IGHMBP2: variants seen among roughly 807,000 people sequenced by gnomAD.
IGHMBP2 encodes the protein DNA-binding protein SMUBP-2.
IGHMBP2 carries 81 observed loss-of-function variants against 96.0 expected under a neutral mutation model. That is an observed-to-expected ratio of 0.84 (90% CI 0.71 to 1.01). The LOEUF is 1.01. IGHMBP2 is among the 50% of genes least tolerant of loss of function. The probability of loss-of-function intolerance (pLI) is 0.00; values close to 1 mark genes in which losing one functional copy is unlikely to be tolerated. For synonymous variants in IGHMBP2, 557 were observed against 548.9 expected, an observed-to-expected ratio of 1.01 and a Z score of -0.21; for missense variants, 1,227 against 1,306.3, an observed-to-expected ratio of 0.94 and a Z score of 0.94.
Position 68,936,574 on chromosome 11 carries a change from T to C in IGHMBP2, c.2094T>C (p.Ala698=), listed in dbSNP as rs141375426. Residue 698 remains alanine (A), a synonymous_variant, in exon 13 of 15, where the codon GCT becomes GCC. Coordinates refer to ENST00000255078, the MANE Select transcript of IGHMBP2 (RefSeq NM_002180.3). ...CCAGACAGGGCCGGAAGAAGCCGGCTGGGAAGTCTCTGGCCTCTGAAGCTC... is the reference window on the plus strand; with the variant it reads ...CCAGACAGGGCCGGAAGAAGCCGGCCGGGAAGTCTCTGGCCTCTGAAGCTC... The part of the protein sequence containing the change: ...APARQGRKKP[A]GKSLASEAPS... 6 of 1,611,886 alleles carry C rather than the reference T, an allele frequency of 3.7e-6. No individual in the cohort carries two copies. The highest frequency in any genetic ancestry group is 1.7e-5 in the Admixed American group (1 of 59,946).
intron 2 of IGHMBP2, 79 bp from the exon 3 acceptor site, chr11:68,908,066 A>G (rs1858273092): frequency 9.3e-7 from 1 of 1,071,134 alleles, no homozygotes. Context: ...AAATATTTGA[A>G]GTATAGTGGA....
chr11:68,930,063 G>T, intron 8 of IGHMBP2: 1 of 1,159,940 alleles, frequency 8.6e-7, no homozygotes, highest in South Asian at 1.8e-5. Context: ...GACCACTCCT[G>T]CCTGGGTGTG....
At chr11:68,935,064 C>T (rs760760752) in intron 11 of IGHMBP2, among the ~76,000 whole-genome samples, 11 of 152,228 alleles carry the variant, frequency 7.2e-5, no homozygotes, top group South Asian at 2.1e-4. Context: ...CTGAGGCTGG[C>T]GGCTGTCATA....
At position 68,934,111 on chromosome 11, in the gene IGHMBP2, T is replaced by C. The variant is rs751879; in HGVS notation, c.1537+198T>C. ...GTGAGCAGACCGCTCCTGGGTGAGATGGGCCTGGCAGCATTTTACGGCCTT... is the reference window on the plus strand; with the variant it reads ...GTGAGCAGACCGCTCCTGGGTGAGACGGGCCTGGCAGCATTTTACGGCCTT... On this transcript the variant is annotated intron_variant, in intron 10 of 14. Coordinates refer to ENST00000255078, the MANE Select transcript of IGHMBP2 (RefSeq NM_002180.3). 125,769 of 631,516 alleles carry C rather than the reference T, an allele frequency of 0.2. 14,229 individuals are homozygous for C. Among genetic ancestry groups the C allele is most frequent in the Non-Finnish European group, 0.24 (85,178 of 351,458 alleles). The allele number at this position is 631,516 out of a possible 1,614,324, so 39.1% of individuals were successfully genotyped here. A position where few individuals can be genotyped will look rare whatever the true frequency, so the allele number is the denominator to read the frequency against.
chr11:68,923,480 G>A (rs1250563257), intron 7 of IGHMBP2, among the ~76,000 whole-genome samples: 1 of 152,180 alleles, frequency 6.6e-6, no homozygotes, highest in Non-Finnish European at 1.5e-5. Flanking sequence ...TGGGATTGGT[G>A]TGAGCCACCA....
At chr11:68,923,454 C>T (rs139356821) in intron 7 of IGHMBP2, among the ~76,000 whole-genome samples, 176 of 152,220 alleles carry the variant, frequency 1.2e-3, no homozygotes, top group African/African-American at 4.1e-3. Flanking sequence ...CTGCCTGCCT[C>T]GGCCTCCCAG....
chr11:68,910,106 C>G (rs1352076885), intron 4 of IGHMBP2, among the ~76,000 whole-genome samples: 2 of 152,238 alleles, frequency 1.3e-5, no homozygotes. Context: ...CAGCTATTTT[C>G]TATCATACTG....
chr11:68,907,682 G>A (rs996800065), intron 2 of IGHMBP2, among the ~76,000 whole-genome samples: 4 of 152,184 alleles, frequency 2.6e-5, no homozygotes, highest in African/African-American at 7.2e-5. Flanking sequence ...GAGAGGGCCA[G>A]GAGGGGAACC....
At position 68,905,928 on chromosome 11, in the gene IGHMBP2, G is replaced by GCCAATT. The variant is rs1594415097; in HGVS notation, c.87-139_87-134dup. The GCCAATT allele has an allele frequency of 4.5e-5, 39 of 867,192 alleles. 1 individual carries two copies. In the East Asian group the frequency reaches 9.4e-4, roughly 21 times the overall value. The allele number at this position is 867,192 out of a possible 1,614,324, so 53.7% of individuals were successfully genotyped here. A position where few individuals can be genotyped will look rare whatever the true frequency, so the allele number is the denominator to read the frequency against. ...TAGGAGGAGCGGGATTGGGAGTGGA[G>GCCAATT]CCAATTCGGAGTTCCATTGGGACAT... On this transcript the variant is annotated intron_variant, in intron 1 of 14. Transcript: ENST00000255078.
Position 68,936,245 on chromosome 11 carries a change from G to A in IGHMBP2, c.1765G>A (p.Gly589Ser). ...FVRSNRKGEV[G>S]FLAEDRRINV... Reference sequence around the variant, plus strand: ...CCTCTGGCCTTTTGTAGGTGAAGTTGGTTTTCTTGCTGAGGACCGGAGGAT... The same window carrying A: ...CCTCTGGCCTTTTGTAGGTGAAGTTAGTTTTCTTGCTGAGGACCGGAGGAT... The change falls in exon 13 of 15, where the codon GGT becomes AGT. Residue 589 changes from glycine to serine, a missense_variant. Gly to Ser is a moderately conservative substitution (Grantham distance 56). Coordinates refer to ENST00000255078, the MANE Select transcript of IGHMBP2 (RefSeq NM_002180.3). 6.2e-7 allele frequency: 1 copy of A among 1,614,100 alleles called. No individual in the cohort carries two copies. Among genetic ancestry groups the A allele is most frequent in the Non-Finnish European group, 8.5e-7 (1 of 1,180,030 alleles).
chr11:68,933,679 C>A, intron 9 of IGHMBP2, 116 bp from the exon 10 acceptor site: 2 of 1,005,854 alleles, frequency 2.0e-6, no homozygotes, highest in Non-Finnish European at 3.1e-6. Flanking sequence ...TCCTGATGTG[C>A]TCATTGTCCT....
intron 4 of IGHMBP2, among the ~76,000 whole-genome samples, chr11:68,911,165 A>G (rs570681695): frequency 6.6e-6 from 1 of 152,166 alleles, no homozygotes; most frequent in African/African-American, 2.4e-5. Context: ...CCTGCTGTAG[A>G]CGGTATGTAA....
At chr11:68,905,375 C>A (rs1408577837) in intron 1 of IGHMBP2, among the ~76,000 whole-genome samples, 1 of 152,216 alleles carries the variant, frequency 6.6e-6, no homozygotes, top group Admixed American at 6.5e-5. Context: ...TTACTTACTT[C>A]ATCTGTAAAA....
At chr11:68,933,760 C>A in intron 9 of IGHMBP2, 35 bp from the exon 10 acceptor site, 2 of 1,521,478 alleles carry the variant, frequency 1.3e-6, no homozygotes, top group Non-Finnish European at 1.8e-6. Context: ...TGCACTGTGG[C>A]CCCCTGATGT....
intron 7 of IGHMBP2, among the ~76,000 whole-genome samples, chr11:68,926,873 C>A (rs12146657): frequency 1.3e-5 from 2 of 152,008 alleles, no homozygotes; most frequent in African/African-American, 4.8e-5. Context: ...TCAAGCGATT[C>A]TCCTGCCTTA....
intron 7 of IGHMBP2, among the ~76,000 whole-genome samples, chr11:68,925,026 ATTC>A (rs1455882701): frequency 9.2e-5 from 14 of 151,870 alleles, no homozygotes; most frequent in Admixed American, 3.9e-4. Flanking sequence ...GCCCAAGACA[ATTC>A]TTCTTCTTTT....
In IGHMBP2 at chr11:68,908,208, C is replaced by T. The variant is rs767244307; in HGVS notation, c.320C>T (p.Thr107Ile). Residue 107 changes from threonine to isoleucine, a missense_variant, in exon 3 of 15, where the codon ACC becomes ATC. This residue lies in a region of IGHMBP2 where 507 missense variants were observed against 496.9 expected (regional missense o/e 1.02). Transcript: ENST00000255078. ...EGSQLATGIL[T>I]RVTQKSVTVA... Reference sequence around the variant, plus strand: ...AGTCAGCTGGCCACTGGGATCTTGACCCGGGTCACCCAGAAGTCGGTCACG... The same window carrying T: ...AGTCAGCTGGCCACTGGGATCTTGATCCGGGTCACCCAGAAGTCGGTCACG... The T allele has an allele frequency of 6.2e-7, 1 of 1,613,864 alleles. No homozygotes were observed. Among genetic ancestry groups the T allele is most frequent in the African/African-American group, 1.3e-5 (1 of 74,840 alleles).
In IGHMBP2 at chr11:68,904,027, G is replaced by A; in HGVS notation, c.75G>A (p.Val25=). 1.3e-6 allele frequency: 2 copies of A among 1,549,588 alleles called. No individual in the cohort carries two copies. Among genetic ancestry groups the A allele is most frequent in the Non-Finnish European group, 1.7e-6 (2 of 1,146,340 alleles). ...DLLELERDAE[V]EERRSWQENI... ...TGGAGCTTGAGAGAGACGCGGAGGT[G>A]GAGGAGCGCAGGTACGGGAGGCCGC... Residue 25 remains valine (V), a synonymous_variant, in exon 1 of 15, where the codon GTG becomes GTA. Coordinates refer to ENST00000255078, the MANE Select transcript of IGHMBP2 (RefSeq NM_002180.3).
chr11:68,927,681 C>T (rs1859125580), intron 7 of IGHMBP2, among the ~76,000 whole-genome samples: 1 of 152,230 alleles, frequency 6.6e-6, no homozygotes, highest in Non-Finnish European at 1.5e-5. Context: ...TGATGTTCAA[C>T]AATTACCTCT....
Sources: allele counts gnomAD v4.1 joint callset (sites outside exome capture counted in the v4.1 genomes callset), GRCh38; gene constraint gnomAD v4.1.1; regional missense constraint gnomAD v4.1.1; transcripts MANE v1.5; gene names NCBI Gene and HGNC (gene_info 2026-07-23, HGNC 2026-07-21).